OSBP2: variants seen among roughly 807,000 people sequenced by gnomAD.
The protein encoded by OSBP2 is oxysterol binding protein 2.
A neutral mutation model predicts 96.0 loss-of-function variants in OSBP2; 66 were observed. The ratio of observed to expected loss-of-function variants is 0.69; its 90% CI spans 0.56 to 0.84. OSBP2 has a LOEUF of 0.84. Ranked by LOEUF, OSBP2 falls within the 40% of genes least tolerant of loss-of-function variation. The pLI is 0.00. For missense variants in OSBP2, 1,038 were observed against 1,222.7 expected, an observed-to-expected ratio of 0.85 and a Z score of 2.25; for synonymous variants, 525 against 520.9, an observed-to-expected ratio of 1.01 and a Z score of -0.11.
intron 2 of OSBP2, among the ~76,000 whole-genome samples, chr22:30,752,762 GAC>G (rs958651660): frequency 1.3e-5 from 2 of 152,108 alleles, no homozygotes; most frequent in African/African-American, 4.8e-5. Flanking sequence ...TTTCCCAAGA[GAC>G]AGATTTGCAG....
chr22:30,860,094 G>C (rs941180018), intron 2 of OSBP2, among the ~76,000 whole-genome samples: 1 of 152,276 alleles, frequency 6.6e-6, no homozygotes, highest in South Asian at 2.1e-4. Flanking sequence ...AGCACTAAAG[G>C]CTCCTAGAGA....
chr22:30,765,676 T>C (rs1034291560), intron 2 of OSBP2, among the ~76,000 whole-genome samples: 1 of 152,194 alleles, frequency 6.6e-6, no homozygotes, highest in Non-Finnish European at 1.5e-5. Context: ...GAGGTTTAAT[T>C]CAGCTTTACT....
chr22:30,842,416 C>T (rs528271365), intron 2 of OSBP2, among the ~76,000 whole-genome samples: 4 of 152,086 alleles, frequency 2.6e-5, no homozygotes, highest in Admixed American at 6.5e-5. Flanking sequence ...GACTGATCAG[C>T]GTGGTGATTG....
intron 2 of OSBP2, among the ~76,000 whole-genome samples, chr22:30,847,138 C>G (rs1204952686): frequency 6.6e-6 from 1 of 151,908 alleles, no homozygotes; most frequent in Non-Finnish European, 1.5e-5. Context: ...CCACCATACC[C>G]AGATAATTTT....
At chr22:30,876,029 C>T (rs749789230) in intron 3 of OSBP2, among the ~76,000 whole-genome samples, 1 of 152,224 alleles carries the variant, frequency 6.6e-6, no homozygotes, top group African/African-American at 2.4e-5. Context: ...GGGAAGAGCC[C>T]GGGAAGGTTC....
intron 12 of OSBP2, chr22:30,902,126 G>GAAAAAAAAAAAAAAAAAAA (rs35391426): frequency 6.0e-5 from 7 of 115,886 alleles, no homozygotes; most frequent in East Asian, 2.6e-4. Context: ...AAAAAAAAAC[G>GAAAAAAAAAAAAAAAAAAA]AAAAAAAAAA....
chr22:30,739,560 C>T (rs1436586207), intron 1 of OSBP2, among the ~76,000 whole-genome samples: 7 of 151,016 alleles, frequency 4.6e-5, no homozygotes, highest in African/African-American at 1.7e-4. Flanking sequence ...CTGCAACCTC[C>T]GCCTCCCGGG....
intron 1 of OSBP2, among the ~76,000 whole-genome samples, chr22:30,737,691 G>C (rs553975720): frequency 2.6e-5 from 4 of 151,572 alleles, no homozygotes; most frequent in African/African-American, 4.9e-5. Flanking sequence ...AATGTTCACT[G>C]TCTTAGTTTT....
intron 12 of OSBP2, among the ~76,000 whole-genome samples, chr22:30,894,786 T>C (rs555425224): frequency 1.3e-5 from 2 of 152,334 alleles, no homozygotes; most frequent in South Asian, 4.1e-4. Context: ...GCTGTCCCCT[T>C]ATCAACAGAA....
intron 1 of OSBP2, among the ~76,000 whole-genome samples, chr22:30,699,446 A>G (rs2089121229): frequency 6.6e-6 from 1 of 152,202 alleles, no homozygotes; most frequent in Non-Finnish European, 1.5e-5. Context: ...TCTGGGTTGT[A>G]GAGAATTGTG....
At chr22:30,778,303 G>GCACACACACACA (rs34574171) in intron 2 of OSBP2, among the ~76,000 whole-genome samples, 2,829 of 146,594 alleles carry the variant, frequency 0.019, 36 homozygotes, top group Non-Finnish European at 0.024. Context: ...GTGTGCATGT[G>GCACACACACACA]CACACACACA....
At chr22:30,838,976 C>A (rs567370784) in intron 2 of OSBP2, among the ~76,000 whole-genome samples, 1 of 118,644 alleles carries the variant, frequency 8.4e-6, no homozygotes, top group Non-Finnish European at 1.7e-5. Context: ...CCTAATCTCC[C>A]CCCTCCCCCC....
chr22:30,760,996 A>C (rs2145772366), intron 2 of OSBP2, among the ~76,000 whole-genome samples: 1 of 152,318 alleles, frequency 6.6e-6, no homozygotes, highest in Middle Eastern at 3.4e-3. Flanking sequence ...GGGCATCTTC[A>C]AGAAACTGAC....
At chr22:30,740,660 C>T (rs1211044598) in intron 1 of OSBP2, among the ~76,000 whole-genome samples, 1 of 152,098 alleles carries the variant, frequency 6.6e-6, no homozygotes, top group African/African-American at 2.4e-5. Flanking sequence ...TTTGCAAAGG[C>T]AGTTTCATTT....
intron 2 of OSBP2, among the ~76,000 whole-genome samples, chr22:30,843,446 C>CTT (rs1440380968): frequency 8.6e-6 from 1 of 116,714 alleles, no homozygotes; most frequent in Non-Finnish European, 1.7e-5. Flanking sequence ...GGAATCTTTC[C>CTT]CCCCTCCCCC....
intron 3 of OSBP2, among the ~76,000 whole-genome samples, chr22:30,884,928 TCTGA>T (rs371221014): frequency 1.9e-3 from 286 of 152,352 alleles, no homozygotes; most frequent in African/African-American, 6.6e-3. Context: ...TCTGAGCGGT[TCTGA>T]CTGAGGGGCA....
chr22:30,764,145 G>A (rs1245916730), intron 2 of OSBP2: 6 of 726,734 alleles, frequency 8.3e-6, no homozygotes, highest in South Asian at 6.2e-5. Context: ...GGGGCTCCCC[G>A]GTTCTCGCCT....
chr22:30,823,052 C>G (rs936521652), intron 2 of OSBP2, among the ~76,000 whole-genome samples: 5 of 152,264 alleles, frequency 3.3e-5, no homozygotes, highest in Admixed American at 2.0e-4. Flanking sequence ...CTCTTCTTCC[C>G]CAGAGTCGGC....
chr22:30,805,838 C>T (rs527380893), intron 2 of OSBP2, among the ~76,000 whole-genome samples: 6 of 152,158 alleles, frequency 3.9e-5, no homozygotes, highest in Non-Finnish European at 8.8e-5. Context: ...AATGTTCCCT[C>T]CAGGAGAATG....
Sources: gnomAD v4.1 joint callset for allele counts (sites outside exome capture counted in the v4.1 genomes callset) on GRCh38, gnomAD v4.1.1 for gene constraint, MANE v1.5 for transcripts, NCBI Gene and HGNC (gene_info 2026-07-23, HGNC 2026-07-21) for gene names.